Variants in PROS1 observed in about 807,000 individuals in gnomAD.
PROS1 encodes the protein vitamin K-dependent protein S.
Under a neutral mutation model 75.9 loss-of-function variants are expected in PROS1, and 29 were observed. The observed-to-expected ratio is 0.38, with a 90% CI of 0.28 to 0.52. The LOEUF is 0.52. PROS1 is among the 20% of genes least tolerant of loss of function. The pLI is 0.83. For synonymous variants in PROS1, 245 were observed against 280.6 expected, an observed-to-expected ratio of 0.87 and a Z score of 1.27; for missense variants, 680 against 810.3, an observed-to-expected ratio of 0.84 and a Z score of 1.95.
chr3:93,959,849 G>A (rs115016090), intron 1 of PROS1, among the ~76,000 whole-genome samples: 1,840 of 152,254 alleles, frequency 0.012, 45 homozygotes, highest in African/African-American at 0.042. Context: ...AATATCAGCT[G>A]TTACCATATT....
chr3:93,893,528 T>G (rs892223658), intron 9 of PROS1, among the ~76,000 whole-genome samples: 1 of 152,172 alleles, frequency 6.6e-6, no homozygotes, highest in Non-Finnish European at 1.5e-5. Context: ...TAGTTTTTTT[T>G]GTTGTTGTTC....
intron 3 of PROS1, among the ~76,000 whole-genome samples, chr3:93,916,845 A>G (rs1294428357): frequency 6.6e-6 from 1 of 152,228 alleles, no homozygotes; most frequent in Admixed American, 6.5e-5. Context: ...TTTATTAACA[A>G]TCAAACTGGT....
chr3:93,941,579 T>C (rs1345239618), intron 1 of PROS1, among the ~76,000 whole-genome samples: 2 of 152,156 alleles, frequency 1.3e-5, no homozygotes, highest in Admixed American at 6.5e-5. Context: ...CTCTTTCCGT[T>C]CCTTGAAGAC....
chr3:93,873,950 A>C lies in PROS1; in HGVS notation c.*295T>G. The C allele has an allele frequency of 3.0e-6, 1 of 334,142 alleles. No homozygotes were observed. The highest frequency in any genetic ancestry group is 3.3e-5 in the South Asian group (1 of 30,180). The allele number at this position is 334,142 out of a possible 1,614,324, so 20.7% of individuals were successfully genotyped here. On this transcript the variant is annotated 3_prime_UTR_variant, in exon 15 of 15. Coordinates refer to ENST00000394236, the MANE Select transcript of PROS1 (RefSeq NM_000313.4). ...TTTAGACACTAGTTCATGATGATAA[A>C]ATTAAAATTTAGTTTTACAAACAAA...
chr3:93,936,159 G>A (rs1390549489), intron 1 of PROS1, among the ~76,000 whole-genome samples: 2 of 151,618 alleles, frequency 1.3e-5, no homozygotes, highest in Admixed American at 1.3e-4. Context: ...TATATTTGGA[G>A]ACAGGTCCTT....
At chr3:93,914,890 G>T (rs1199411720) in intron 3 of PROS1, among the ~76,000 whole-genome samples, 5 of 152,122 alleles carry the variant, frequency 3.3e-5, no homozygotes, top group African/African-American at 1.2e-4. Context: ...CATCCTCATA[G>T]TTTAGCTCCC....
intron 4 of PROS1, 62 bp from the exon 5 acceptor site, chr3:93,906,205 T>C: frequency 6.4e-7 from 1 of 1,569,616 alleles, no homozygotes; most frequent in Non-Finnish European, 8.7e-7. Context: ...TAAAATTGTG[T>C]GTACTATAAT....
intron 1 of PROS1, among the ~76,000 whole-genome samples, chr3:93,931,795 T>C (rs1424173640): frequency 1.3e-5 from 2 of 152,238 alleles, no homozygotes; most frequent in African/African-American, 2.4e-5. Context: ...AGAAACTTTC[T>C]ACGTGTTTGG....
chr3:93,949,883 C>T (rs1479430653), intron 1 of PROS1, among the ~76,000 whole-genome samples: 2 of 152,146 alleles, frequency 1.3e-5, no homozygotes, highest in African/African-American at 2.4e-5. Flanking sequence ...GCAGGGGGGG[C>T]ATTGCCTCAC....
At chr3:93,946,186 C>T (rs891782606) in intron 1 of PROS1, among the ~76,000 whole-genome samples, 1 of 152,220 alleles carries the variant, frequency 6.6e-6, no homozygotes. Context: ...ACATTCCATG[C>T]TCATGGGTAG....
intron 6 of PROS1, among the ~76,000 whole-genome samples, chr3:93,904,800 C>T (rs531702181): frequency 2.0e-5 from 3 of 151,436 alleles, no homozygotes; most frequent in Admixed American, 6.6e-5. Flanking sequence ...AACTGAAAGA[C>T]AGTATACAAA....
chr3:93,887,085 A>G (rs1288338803), intron 10 of PROS1, among the ~76,000 whole-genome samples: 2 of 151,430 alleles, frequency 1.3e-5, no homozygotes, highest in African/African-American at 2.4e-5. Flanking sequence ...CGCCCGGCTA[A>G]TTTTTTGTAT....
At position 93,906,039 on chromosome 3, in the gene PROS1, C is replaced by T; in HGVS notation, c.451G>A (p.Gly151Arg). 6.2e-7 allele frequency: 1 copy of T among 1,614,106 alleles called. No homozygotes were observed. ...TACGTACCAAATTCACACTTTTCTC[C>T]TTGCCAACCTGGTTTACAAGTGCAA... ...FTCTCKPGWQ[G>R]EKCEFDINEC... The change falls in exon 5 of 15, where the codon GGA becomes AGA. Residue 151 changes from glycine (G) to arginine (R), a missense_variant. Gly to Arg is a moderately radical substitution (Grantham distance 125). Coordinates refer to ENST00000394236, the MANE Select transcript of PROS1 (RefSeq NM_000313.4).
At chr3:93,918,842 A>T (rs1162525390) in intron 3 of PROS1, among the ~76,000 whole-genome samples, 2 of 152,186 alleles carry the variant, frequency 1.3e-5, no homozygotes, top group African/African-American at 4.8e-5. Context: ...CATCATGCCC[A>T]GTGGTTATGT....
At chr3:93,963,096 G>C (rs1383902071) in intron 1 of PROS1, among the ~76,000 whole-genome samples, 1 of 151,370 alleles carries the variant, frequency 6.6e-6, no homozygotes, top group Non-Finnish European at 1.5e-5. Flanking sequence ...GCTGCAGCAA[G>C]TTCCAGAAGA....
rs565640113 is a variant in PROS1 at position 93,891,807 on chromosome 3, C to T, written c.1155+1126G>A. Among the ~76,000 whole-genome samples the T allele has an allele frequency of 7.9e-5, 12 of 152,198 alleles. 2 individuals are homozygous for T. The highest frequency in any genetic ancestry group is 2.9e-4 in the African/African-American group (12 of 41,526). On this transcript the variant is annotated intron_variant, in intron 10 of 14. Coordinates refer to ENST00000394236, the MANE Select transcript of PROS1 (RefSeq NM_000313.4). ...CGGTACAATGGCTCATGCCTGTAAT[C>T]CCAGCACTTTGGGAAGCCAAAGTGG...
intron 12 of PROS1, among the ~76,000 whole-genome samples, chr3:93,880,679 A>C (rs1052481158): frequency 1.1e-4 from 17 of 152,214 alleles, no homozygotes; most frequent in Non-Finnish European, 1.9e-4. Context: ...TCTTGAAATA[A>C]GTAAATTTAA....
At chr3:93,913,713 G>A (rs376495972) in intron 3 of PROS1, among the ~76,000 whole-genome samples, 1 of 152,052 alleles carries the variant, frequency 6.6e-6, no homozygotes, top group South Asian at 2.1e-4. Flanking sequence ...CTTTATAATA[G>A]AGTGAAAACA....
chr3:93,908,298 G>C (rs1323774454), intron 4 of PROS1, among the ~76,000 whole-genome samples: 1 of 152,136 alleles, frequency 6.6e-6, no homozygotes, highest in Non-Finnish European at 1.5e-5. Context: ...TAATTCCTAA[G>C]GAAAAGAAAA....
Sources: gnomAD v4.1 joint callset for allele counts (sites outside exome capture counted in the v4.1 genomes callset) on GRCh38, gnomAD v4.1.1 for gene constraint, MANE v1.5 for transcripts, NCBI Gene and HGNC (gene_info 2026-07-23, HGNC 2026-07-21) for gene names.